ADK: variants seen among roughly 807,000 people sequenced by gnomAD.
ADK encodes adenosine kinase, also known as N6,N6-dimethyladenosine kinase.
A neutral mutation model predicts 44.7 loss-of-function variants in ADK; 24 were observed. The observed-to-expected ratio is 0.54, with a 90% confidence interval of 0.39 to 0.76. The LOEUF (loss-of-function observed/expected upper bound fraction) is 0.76, where lower values mean the gene tolerates loss of function less well. Ranked by LOEUF, ADK falls within the 30% of genes least tolerant of loss-of-function variation. The pLI is 0.00. For synonymous variants in ADK, 128 were observed against 142.6 expected (o/e 0.90, Z 0.73); for missense variants, 321 against 425.1 (o/e 0.76, Z 2.15).
At chr10:74,278,807 G>A (rs183392741) in intron 3 of ADK, among the ~76,000 whole-genome samples, 87 of 152,214 alleles carry the variant, frequency 5.7e-4, no homozygotes, top group Non-Finnish European at 1.1e-3. Flanking sequence ...TGAGTAGCTG[G>A]GACTACAGAT....
chr10:74,187,464 A>C (rs1842799452), intron 1 of ADK, among the ~76,000 whole-genome samples: 2 of 152,092 alleles, frequency 1.3e-5, no homozygotes, highest in South Asian at 2.1e-4. Context: ...ATCTGAATGC[A>C]GGTTATTTGC....
chr10:74,580,574 T>TA lies in ADK; in HGVS notation c.727-8692dup, dbSNP rs11289206. The stretch of plus-strand genomic sequence containing the variant: ...TGGGCAACAAGAGCAAAACTCCATC[T>TA]AAAAAAAAAAAAAAAAGGAGTTACC... On this transcript the variant is annotated intron_variant, in intron 7 of 10. Coordinates refer to ENST00000539909, the MANE Select transcript of ADK (RefSeq NM_006721.4). Among the ~76,000 whole-genome samples the TA allele has an allele frequency of 4.3e-3, 575 of 134,376 alleles. 3 individuals are homozygous for TA. Among genetic ancestry groups the TA allele is most frequent in the African/African-American group, 0.011 (402 of 37,064 alleles). The allele number at this position is 134,376 out of a possible 152,430, so 88.2% of individuals were successfully genotyped here. A position where few individuals can be genotyped will look rare whatever the true frequency, so the allele number is the denominator to read the frequency against.
chr10:74,480,284 T>C (rs543478754), intron 6 of ADK, among the ~76,000 whole-genome samples: 27 of 151,072 alleles, frequency 1.8e-4, no homozygotes, highest in Non-Finnish European at 3.8e-4. Flanking sequence ...TGGAGTGCAG[T>C]GTGGTATGAT....
At chr10:74,511,282 A>G (rs1046568282) in intron 6 of ADK, among the ~76,000 whole-genome samples, 1 of 152,052 alleles carries the variant, frequency 6.6e-6, no homozygotes, top group Admixed American at 6.6e-5. Flanking sequence ...ATATATTTTG[A>G]GGTCTGATAG....
intron 3 of ADK, among the ~76,000 whole-genome samples, chr10:74,296,804 C>T (rs1367226989): frequency 6.6e-6 from 1 of 151,660 alleles, no homozygotes; most frequent in Non-Finnish European, 1.5e-5. Flanking sequence ...TTAGTAGAGA[C>T]GGGGTTTCTC....
chr10:74,519,134 T>C (rs943958235), intron 6 of ADK, among the ~76,000 whole-genome samples: 6 of 151,972 alleles, frequency 3.9e-5, no homozygotes, highest in African/African-American at 1.4e-4. Flanking sequence ...TATACCGTAT[T>C]AGACATAAAA....
At chr10:74,397,076 T>C (rs1843544257) in intron 5 of ADK, among the ~76,000 whole-genome samples, 2 of 152,186 alleles carry the variant, frequency 1.3e-5, no homozygotes, top group African/African-American at 2.4e-5. Flanking sequence ...TGTTTGCTTT[T>C]ATTTGGTAGC....
chr10:74,370,354 A>G (rs777854156), intron 4 of ADK, among the ~76,000 whole-genome samples: 3 of 152,196 alleles, frequency 2.0e-5, no homozygotes, highest in African/African-American at 4.8e-5. Flanking sequence ...ACTCACCTCA[A>G]TTTTTAATCC....
chr10:74,682,633 G>T, intron 10 of ADK, among the ~76,000 whole-genome samples: 1 of 148,488 alleles, frequency 6.7e-6, no homozygotes, highest in Non-Finnish European at 1.5e-5. Context: ...GACTGCAGTG[G>T]TGTGATCTCA....
At chr10:74,561,634 A>G (rs1347657209) in intron 7 of ADK, among the ~76,000 whole-genome samples, 1 of 152,226 alleles carries the variant, frequency 6.6e-6, no homozygotes, top group African/African-American at 2.4e-5. Flanking sequence ...AATAGTTACA[A>G]TATTTTAAGA....
chr10:74,475,040 G>A (rs935412179), intron 6 of ADK, among the ~76,000 whole-genome samples: 5 of 152,022 alleles, frequency 3.3e-5, no homozygotes, highest in East Asian at 3.9e-4. Flanking sequence ...CAGGAGAATC[G>A]CTTGAACCCG....
intron 1 of ADK, among the ~76,000 whole-genome samples, chr10:74,179,163 G>A (rs1402016014): frequency 1.3e-5 from 2 of 152,224 alleles, no homozygotes; most frequent in African/African-American, 4.8e-5. Flanking sequence ...TGAAAGTGAA[G>A]TGACTCTGTA....
chr10:74,653,768 GA>G (rs1403427775), intron 9 of ADK, among the ~76,000 whole-genome samples: 1 of 152,170 alleles, frequency 6.6e-6, no homozygotes, highest in African/African-American at 2.4e-5. Flanking sequence ...AGTAATCTGT[GA>G]ATCCAGTTTA....
At chr10:74,359,925 A>C (rs1842279502) in intron 4 of ADK, among the ~76,000 whole-genome samples, 1 of 151,254 alleles carries the variant, frequency 6.6e-6, no homozygotes, top group Admixed American at 6.6e-5. Flanking sequence ...TGCTTTCTTG[A>C]TTTCTTTTTC....
chr10:74,527,937 T>C (rs1849122139), intron 7 of ADK: 2 of 780,604 alleles, frequency 2.6e-6, no homozygotes, highest in Non-Finnish European at 4.6e-6. Flanking sequence ...TTCGACTTCA[T>C]TGTGGCCTTT....
chr10:74,517,970 C>T (rs1397180109), intron 6 of ADK, among the ~76,000 whole-genome samples: 2 of 152,088 alleles, frequency 1.3e-5, no homozygotes, highest in Non-Finnish European at 2.9e-5. Flanking sequence ...TCAGGGCCAA[C>T]GTTTTTCTTA....
intron 9 of ADK, among the ~76,000 whole-genome samples, chr10:74,602,552 T>G (rs1202882277): frequency 2.0e-5 from 3 of 152,190 alleles, no homozygotes; most frequent in Non-Finnish European, 4.4e-5. Context: ...TATTTCCTTG[T>G]GAACTCATTT....
At chr10:74,652,331 A>C (rs1297815082) in intron 9 of ADK, among the ~76,000 whole-genome samples, 1 of 151,894 alleles carries the variant, frequency 6.6e-6, no homozygotes, top group East Asian at 1.9e-4. Flanking sequence ...GGTATGAGCC[A>C]GCACACCTGG....
At chr10:74,346,632 C>T (rs1044079790) in intron 4 of ADK, among the ~76,000 whole-genome samples, 1 of 151,964 alleles carries the variant, frequency 6.6e-6, no homozygotes, top group South Asian at 2.1e-4. Flanking sequence ...CTGCAGCTAC[C>T]GATTTGGGAA....
Sources: gnomAD v4.1 joint callset for allele counts (sites outside exome capture counted in the v4.1 genomes callset) on GRCh38, gnomAD v4.1.1 for gene constraint, MANE v1.5 for transcripts, NCBI Gene and HGNC (gene_info 2026-07-23, HGNC 2026-07-21) for gene names.